OTUD7B: variants seen among roughly 807,000 people sequenced by gnomAD.
OTUD7B encodes OTU deubiquitinase 7B.
In OTUD7B, 34 loss-of-function variants were observed where a neutral mutation model predicts 82.2. The observed-to-expected ratio is 0.41, with a 90% CI of 0.31 to 0.55. OTUD7B has a LOEUF of 0.55. Ranked by LOEUF, OTUD7B falls within the 20% of genes least tolerant of loss-of-function variation. OTUD7B has a pLI of 0.20. For missense variants in OTUD7B, 944 were observed against 1,062.1 expected (o/e 0.89, Z 1.55); for synonymous variants, 398 against 402.7 (o/e 0.99, Z 0.14).
At chr1:150,034,704 C>T in the OTUD7B span, among the ~76,000 whole-genome samples, 1 of 152,096 alleles carries the variant, frequency 6.6e-6, no homozygotes, top group Non-Finnish European at 1.5e-5. Context: ...AATTAAAATG[C>T]CTGTGTTTTT....
chr1:149,990,589 G>A (rs1317137480), intron 1 of OTUD7B, among the ~76,000 whole-genome samples: 1 of 152,080 alleles, frequency 6.6e-6, no homozygotes, highest in African/African-American at 2.4e-5. Flanking sequence ...ATAATTTTTT[G>A]TTTTTAAAGC....
chr1:150,009,946 C>A (rs1257145164), intron 1 of OTUD7B, among the ~76,000 whole-genome samples: 1 of 151,476 alleles, frequency 6.6e-6, no homozygotes, highest in Non-Finnish European at 1.5e-5. Flanking sequence ...CTCTCTCACA[C>A]ACACACACAA....
intron 1 of OTUD7B, among the ~76,000 whole-genome samples, chr1:150,005,590 A>G (rs1652607005): frequency 6.6e-6 from 1 of 152,142 alleles, no homozygotes; most frequent in South Asian, 2.1e-4. Context: ...TCAACTGGAG[A>G]AGAAAAAAAA....
At chr1:150,031,316 C>T in the OTUD7B span, among the ~76,000 whole-genome samples, 1 of 152,160 alleles carries the variant, frequency 6.6e-6, no homozygotes, top group African/African-American at 2.4e-5. Flanking sequence ...CTGTTTCTGG[C>T]TCAGTGCTCT....
chr1:149,976,262 G>T (rs1650299651), intron 2 of OTUD7B, among the ~76,000 whole-genome samples: 1 of 151,850 alleles, frequency 6.6e-6, no homozygotes, highest in Non-Finnish European at 1.5e-5. Context: ...TCTATTATTT[G>T]TGACTCTAAA....
chr1:150,000,903 C>CG (rs1436334213), intron 1 of OTUD7B, among the ~76,000 whole-genome samples: 2 of 152,012 alleles, frequency 1.3e-5, no homozygotes, highest in Non-Finnish European at 1.5e-5. Context: ...CGCTTGAACC[C>CG]GGGAGGCAGA....
the OTUD7B span, among the ~76,000 whole-genome samples, chr1:150,057,825 C>A: frequency 2.6e-5 from 4 of 152,154 alleles, no homozygotes; most frequent in Non-Finnish European, 4.4e-5. Context: ...CATGTAGACT[C>A]AGTAATCCTT....
At chr1:150,000,765 G>C (rs1652228385) in intron 1 of OTUD7B, among the ~76,000 whole-genome samples, 1 of 152,044 alleles carries the variant, frequency 6.6e-6, no homozygotes, top group Non-Finnish European at 1.5e-5. Flanking sequence ...GATCACTTGA[G>C]GTCAGGAGTT....
At chr1:150,000,122 A>G (rs1273724546) in intron 1 of OTUD7B, among the ~76,000 whole-genome samples, 1 of 152,196 alleles carries the variant, frequency 6.6e-6, no homozygotes, top group Non-Finnish European at 1.5e-5. Flanking sequence ...TTTGTGGAAG[A>G]GATAGTTTAC....
At chr1:149,994,446 T>G (rs1263777539) in intron 1 of OTUD7B, among the ~76,000 whole-genome samples, 1 of 151,902 alleles carries the variant, frequency 6.6e-6, no homozygotes, top group African/African-American at 2.4e-5. Flanking sequence ...GTAGGTGTGG[T>G]GGCATGCGCC....
At chr1:150,046,825 C>T in the OTUD7B span, among the ~76,000 whole-genome samples, 2 of 151,664 alleles carry the variant, frequency 1.3e-5, no homozygotes, top group Non-Finnish European at 2.9e-5. Flanking sequence ...AATCCCAGCA[C>T]TTTGGGAGGC....
At chr1:149,981,364 T>C (rs1446887737) in intron 1 of OTUD7B, among the ~76,000 whole-genome samples, 2 of 152,184 alleles carry the variant, frequency 1.3e-5, no homozygotes, top group Non-Finnish European at 2.9e-5. Flanking sequence ...CCTCATTACT[T>C]TGCTATAATG....
chr1:150,008,205 A>G (rs1652793245), intron 1 of OTUD7B, among the ~76,000 whole-genome samples: 1 of 152,234 alleles, frequency 6.6e-6, no homozygotes, highest in Non-Finnish European at 1.5e-5. Flanking sequence ...GCCCTGGAAT[A>G]AAGTATGCAG....
At chr1:149,946,263 T>C (rs782029890) in intron 11 of OTUD7B, among the ~76,000 whole-genome samples, 13 of 151,492 alleles carry the variant, frequency 8.6e-5, no homozygotes, top group Non-Finnish European at 1.8e-4. Flanking sequence ...CTCGGGAGGC[T>C]GAGGCAGGAG....
the OTUD7B span, among the ~76,000 whole-genome samples, chr1:150,022,326 A>T: frequency 7.0e-6 from 1 of 142,222 alleles, no homozygotes; most frequent in East Asian, 2.3e-4. Context: ...TGAAACCGGG[A>T]GGCAGAGGTT....
the OTUD7B span, among the ~76,000 whole-genome samples, chr1:150,055,981 T>C: frequency 1.3e-5 from 2 of 152,194 alleles, no homozygotes; most frequent in South Asian, 2.1e-4. Flanking sequence ...AACAAACCCC[T>C]GTGACATGGG....
chr1:150,002,248 T>C (rs1241994284), intron 1 of OTUD7B, among the ~76,000 whole-genome samples: 1 of 152,066 alleles, frequency 6.6e-6, no homozygotes, highest in East Asian at 1.9e-4. Flanking sequence ...CAGTGCCCAA[T>C]TTATCATAGC....
At chr1:149,990,881 C>T (rs1651520074) in intron 1 of OTUD7B, among the ~76,000 whole-genome samples, 1 of 151,914 alleles carries the variant, frequency 6.6e-6, no homozygotes, top group African/African-American at 2.4e-5. Flanking sequence ...ATCCGAGCTA[C>T]TTGGGAGGCT....
the OTUD7B span, among the ~76,000 whole-genome samples, chr1:150,050,977 C>T: frequency 6.6e-6 from 1 of 150,868 alleles, no homozygotes; most frequent in South Asian, 2.1e-4. Flanking sequence ...GCCTGTAATT[C>T]CAGCACTTTG....
Sources: allele counts gnomAD v4.1 joint callset (sites outside exome capture counted in the v4.1 genomes callset), GRCh38; gene constraint gnomAD v4.1.1; transcripts MANE v1.5; gene names NCBI Gene and HGNC (gene_info 2026-07-23, HGNC 2026-07-21).